Variants in RFT1 observed in about 807,000 individuals in gnomAD.
RFT1 encodes RFT1 glycolipid translocator homolog.
RFT1 carries 43 observed loss-of-function variants against 62.2 expected under a neutral mutation model. The observed-to-expected ratio is 0.69, with a 90% CI of 0.54 to 0.89. The LOEUF is 0.89. Among genes scored for constraint, RFT1 ranks in the 40% least tolerant of loss-of-function variants. The pLI, the probability that RFT1 is intolerant of heterozygous loss-of-function variation, is 0.00. For synonymous variants in RFT1, 262 were observed against 264.6 expected (o/e 0.99, Z 0.10); for missense variants, 605 against 649.9 (o/e 0.93, Z 0.75).
chr3:53,119,853 A>G (rs1474146998), intron 6 of RFT1, 31 bp downstream of exon 6: 2 of 1,570,148 alleles, frequency 1.3e-6, no homozygotes, highest in Non-Finnish European at 1.7e-6. Context: ...CCTATGATTA[A>G]AATGATAAGA....
rs997502747 is a variant in RFT1 at position 53,129,139 on chromosome 3, T to C, written c.63+1199A>G. Among the ~76,000 whole-genome samples, 71 of 152,218 alleles carry C rather than the reference T, an allele frequency of 4.7e-4. 1 individual carries two copies. The highest frequency in any genetic ancestry group is 1.7e-3 in the African/African-American group (70 of 41,456). ...GAAAAAAAAAATCCCTAGGTAAACT[T>C]AGAATGGCTAACATTTACTAAGCAC... On this transcript the variant is annotated intron_variant, in intron 1 of 12. Coordinates refer to ENST00000296292, the MANE Select transcript of RFT1 (RefSeq NM_052859.4).
chr3:53,117,131 T>A (rs1701832151), intron 6 of RFT1, among the ~76,000 whole-genome samples: 1 of 152,220 alleles, frequency 6.6e-6, no homozygotes, highest in Non-Finnish European at 1.5e-5. Context: ...GAACCTCAGT[T>A]TTCTTGTCTG....
chr3:53,099,104 A>G (rs564620187), intron 11 of RFT1, among the ~76,000 whole-genome samples: 26 of 152,272 alleles, frequency 1.7e-4, no homozygotes, highest in African/African-American at 5.8e-4. Context: ...CTGACTCTGC[A>G]AACCTGGACT....
At chr3:53,118,175 T>C (rs1329037779) in intron 6 of RFT1, among the ~76,000 whole-genome samples, 6 of 152,236 alleles carry the variant, frequency 3.9e-5, no homozygotes, top group African/African-American at 1.4e-4. Context: ...CTTATACTAA[T>C]GGTTCAAATG....
chr3:53,120,370 C>T (rs1471170388), intron 5 of RFT1, among the ~76,000 whole-genome samples: 4 of 152,224 alleles, frequency 2.6e-5, no homozygotes, highest in African/African-American at 7.2e-5. Context: ...ACCTAGTCAG[C>T]ACCCTGCAAA....
chr3:53,119,862 G>T, intron 6 of RFT1, 22 bp downstream of exon 6: 2 of 1,582,322 alleles, frequency 1.3e-6, no homozygotes, highest in South Asian at 2.3e-5. Context: ...AAAATGATAA[G>T]AGATAAAAAT....
At chr3:53,076,671 A>C in the RFT1 span, among the ~76,000 whole-genome samples, 1 of 152,138 alleles carries the variant, frequency 6.6e-6, no homozygotes, top group Non-Finnish European at 1.5e-5. Context: ...AAGGTGAAAG[A>C]GGCAGGGTGC....
In RFT1 at chr3:53,099,422, C is replaced by T. The variant is rs143706526; in HGVS notation, c.1167G>A (p.Glu389=). Residue 389 remains glutamate, a synonymous_variant, in exon 11 of 13, where the codon GAG becomes GAA. Transcript: ENST00000296292. The part of the protein sequence containing the change: ...VLLLAINGVT[E]CFTFAAMSKE... ...TGCTCATGGCAGCAAATGTGAAACA[C>T]TCTGTCACTCCATTGATGGCAAGCA... is the stretch of plus-strand genomic sequence containing the variant. 3.0e-5 allele frequency: 48 copies of T among 1,614,040 alleles called. No homozygotes were observed. The highest frequency in any genetic ancestry group is 3.8e-5 in the Non-Finnish European group (45 of 1,180,016).
chr3:53,110,274 G>A (rs1701608858), intron 7 of RFT1, among the ~76,000 whole-genome samples: 1 of 152,160 alleles, frequency 6.6e-6, no homozygotes, highest in Admixed American at 6.5e-5. Flanking sequence ...ACAACAATGT[G>A]AACTATCATC....
At chr3:53,122,676 T>C (rs147204677) in intron 3 of RFT1, 113 bp from the exon 4 acceptor site, 2 of 606,746 alleles carry the variant, frequency 3.3e-6, no homozygotes, top group Non-Finnish European at 4.9e-6. Flanking sequence ...CTACCATTTA[T>C]TTATAAGATA....
the RFT1 span, among the ~76,000 whole-genome samples, chr3:53,070,393 G>GTTTTTTTTTT: frequency 1.2e-4 from 10 of 85,466 alleles, no homozygotes; most frequent in Non-Finnish European, 1.6e-4. Context: ...CTGTATTATG[G>GTTTTTTTTTT]TTTTTTTTTT....
intron 11 of RFT1, 100 bp downstream of exon 11, chr3:53,099,281 A>T: frequency 1.1e-6 from 1 of 934,382 alleles, no homozygotes; most frequent in Non-Finnish European, 1.8e-6. Context: ...TAAAACAGCC[A>T]TCTGTAAATG....
At chr3:53,118,168 A>G (rs1701862190) in intron 6 of RFT1, among the ~76,000 whole-genome samples, 1 of 152,172 alleles carries the variant, frequency 6.6e-6, no homozygotes, top group Middle Eastern at 3.2e-3. Flanking sequence ...CTCTTTGCTT[A>G]TACTAATGGT....
At chr3:53,128,801 G>A (rs1352265712) in intron 1 of RFT1, among the ~76,000 whole-genome samples, 3 of 152,176 alleles carry the variant, frequency 2.0e-5, no homozygotes, top group African/African-American at 4.8e-5. Context: ...ATGAGCCACC[G>A]CGTCCAGCCA....
intron 6 of RFT1, among the ~76,000 whole-genome samples, chr3:53,117,921 C>A (rs1390905376): frequency 6.6e-6 from 1 of 152,202 alleles, no homozygotes. Context: ...GAGACAGGGT[C>A]TCACTCTGTT....
At chr3:53,105,439 G>A (rs1701441297) in intron 9 of RFT1, among the ~76,000 whole-genome samples, 1 of 144,702 alleles carries the variant, frequency 6.9e-6, no homozygotes, top group African/African-American at 2.7e-5. Context: ...AAAGAGTAAG[G>A]TCACAACGAA....
chr3:53,108,990 CA>C (rs1701572541), intron 7 of RFT1, among the ~76,000 whole-genome samples: 1 of 152,118 alleles, frequency 6.6e-6, no homozygotes, highest in Admixed American at 6.5e-5. Context: ...TTAATGTTTG[CA>C]AAAAGTCCAG....
chr3:53,080,340 C>T, the RFT1 span, among the ~76,000 whole-genome samples: 1 of 152,184 alleles, frequency 6.6e-6, no homozygotes. Context: ...CTAAGGACAC[C>T]TCAAATCCAC....
chr3:53,116,899 G>A (rs544630941), intron 6 of RFT1, among the ~76,000 whole-genome samples: 92 of 152,228 alleles, frequency 6.0e-4, no homozygotes, highest in African/African-American at 1.9e-3. Flanking sequence ...CACCATGCCC[G>A]GGCTTCTTTT....
Sources: allele counts gnomAD v4.1 joint callset (sites outside exome capture counted in the v4.1 genomes callset), GRCh38; gene constraint gnomAD v4.1.1; transcripts MANE v1.5; gene names NCBI Gene and HGNC (gene_info 2026-07-23, HGNC 2026-07-21).